The following DPP10 variants were observed in gnomAD, a reference collection of about 807,000 sequenced individuals.
The protein encoded by DPP10 is inactive dipeptidyl peptidase 10.
A neutral mutation model predicts 120.9 loss-of-function variants in DPP10; 33 were observed. That is an observed-to-expected ratio of 0.27 (90% confidence interval 0.21 to 0.37). DPP10 has a LOEUF of 0.37. Ranked by LOEUF, DPP10 falls within the 10% of genes least tolerant of loss-of-function variation. DPP10 has a pLI of 1.00. For synonymous variants in DPP10, 337 were observed against 326.1 expected (o/e 1.03, Z -0.36); for missense variants, 816 against 942.8 (o/e 0.87, Z 1.76).
At chr2:115,013,062 C>G (rs2105104060) in intron 1 of DPP10, among the ~76,000 whole-genome samples, 1 of 152,180 alleles carries the variant, frequency 6.6e-6, no homozygotes, top group South Asian at 2.1e-4. Context: ...TTATTTTGCC[C>G]ATTAGTTGAC....
chr2:115,172,278 G>A (rs1210517486), intron 1 of DPP10, among the ~76,000 whole-genome samples: 2 of 151,970 alleles, frequency 1.3e-5, no homozygotes, highest in Non-Finnish European at 2.9e-5. Context: ...CAGCTACTCC[G>A]GAGGCTGAGG....
At chr2:114,754,700 T>C (rs2106065212) in intron 1 of DPP10, among the ~76,000 whole-genome samples, 1 of 152,318 alleles carries the variant, frequency 6.6e-6, no homozygotes, top group East Asian at 1.9e-4. Flanking sequence ...GGAAAGTCTG[T>C]GGCCAAGGCA....
chr2:115,551,163 A>C (rs939491456), intron 5 of DPP10, among the ~76,000 whole-genome samples: 3 of 152,122 alleles, frequency 2.0e-5, no homozygotes, highest in African/African-American at 7.2e-5. Context: ...ATTCTTGCAG[A>C]CTTCACTTGC....
chr2:115,309,105 A>G lies in DPP10; in HGVS notation c.61-134A>G, dbSNP rs908080621. The G allele has an allele frequency of 6.1e-6, 4 of 660,572 alleles. No individual in the cohort carries two copies. The Admixed American group carries it at 1.2e-4, about 19-fold the overall frequency. 40.9% of individuals were successfully genotyped at this position (660,572 alleles called of 1,614,324 possible). ...AATATGTGCACTTTTGAATAATTAA[A>G]TGAACTACTGAAGAGGAAATGGATT... On this transcript the variant is annotated intron_variant, in intron 1 of 25. Coordinates refer to ENST00000410059, the MANE Select transcript of DPP10 (RefSeq NM_020868.6).
chr2:115,622,510 C>T (rs1180463961), intron 5 of DPP10, among the ~76,000 whole-genome samples: 2 of 117,408 alleles, frequency 1.7e-5, no homozygotes, highest in Non-Finnish European at 1.7e-5. Flanking sequence ...ATTTTATTGT[C>T]TTTTTTTTTT....
At chr2:115,362,753 T>A (rs2064862015) in intron 3 of DPP10, among the ~76,000 whole-genome samples, 1 of 152,232 alleles carries the variant, frequency 6.6e-6, no homozygotes. Context: ...TTCCTTGTTT[T>A]AGGAAACCAG....
At chr2:115,686,315 G>T (rs189812247) in intron 5 of DPP10, among the ~76,000 whole-genome samples, 1 of 151,978 alleles carries the variant, frequency 6.6e-6, no homozygotes, top group East Asian at 1.9e-4. Context: ...TCATTCAAGC[G>T]TGAGTTATAG....
At chr2:114,909,584 T>C (rs932979976) in intron 1 of DPP10, among the ~76,000 whole-genome samples, 1 of 152,036 alleles carries the variant, frequency 6.6e-6, no homozygotes, top group Admixed American at 6.6e-5. Flanking sequence ...ATGTATAGCG[T>C]TCTTAGTCTA....
chr2:115,569,374 A>C (rs983645183), intron 5 of DPP10, among the ~76,000 whole-genome samples: 3 of 152,226 alleles, frequency 2.0e-5, no homozygotes, highest in African/African-American at 7.2e-5. Context: ...GATTTTAATA[A>C]AAAAGGGCAA....
chr2:115,700,034 T>C (rs572528117), intron 7 of DPP10, among the ~76,000 whole-genome samples: 55 of 152,284 alleles, frequency 3.6e-4, no homozygotes, highest in African/African-American at 1.2e-3. Context: ...CTTTTACTCA[T>C]GGCAGATGGG....
At chr2:114,460,201 CT>C (rs1678815658) in intron 1 of DPP10, among the ~76,000 whole-genome samples, 1 of 151,780 alleles carries the variant, frequency 6.6e-6, no homozygotes, top group African/African-American at 2.4e-5. Context: ...ATCTATCTAT[CT>C]ATCTATCTAT....
intron 1 of DPP10, among the ~76,000 whole-genome samples, chr2:114,976,529 T>C (rs552170513): frequency 6.6e-6 from 1 of 152,350 alleles, no homozygotes; most frequent in African/African-American, 2.4e-5. Flanking sequence ...CCTCAAATGA[T>C]AATGTAACTG....
intron 1 of DPP10, among the ~76,000 whole-genome samples, chr2:115,088,237 T>C (rs1007293960): frequency 6.6e-6 from 1 of 152,078 alleles, no homozygotes; most frequent in Admixed American, 6.5e-5. Context: ...AGAATTTCCA[T>C]ATATAAATTG....
rs555915734 is a variant in DPP10, at chr2:114,956,361, A to T, written c.61-352878A>T. 1.4e-3 allele frequency among the ~76,000 whole-genome samples: 126 copies of T among 87,346 alleles called. No homozygotes were observed. The Middle Eastern group carries it at 0.025, about 18-fold the overall frequency. The allele number at this position is 87,346 out of a possible 152,430, so 57.3% of individuals were successfully genotyped here. The stretch of plus-strand genomic sequence containing the variant: ...TTACAGTAGAATAAAGAATAAATTT[A>T]AAAAAAAAACATGTAGGAGTAAATT... On this transcript the variant is annotated intron_variant, in intron 1 of 25. Transcript: ENST00000410059.
rs192403191 is a variant in DPP10 at position 115,357,321 on chromosome 2, T to A, written c.271+13409T>A. On this transcript the variant is annotated intron_variant, in intron 3 of 25. Transcript: ENST00000410059. ...TGGAGGTACAGGCATTGGTTAAATA[T>A]ACCCATTCCAAATGAGAGAAATTGG... Among the ~76,000 whole-genome samples the A allele has an allele frequency of 7.9e-5, 12 of 152,350 alleles. 1 individual carries two copies. The highest frequency in any genetic ancestry group is 7.2e-4 in the Admixed American group (11 of 15,308).
chr2:115,311,489 A>G (rs2061574782), intron 2 of DPP10, among the ~76,000 whole-genome samples: 1 of 152,172 alleles, frequency 6.6e-6, no homozygotes, highest in African/African-American at 2.4e-5. Flanking sequence ...AGTTATGACA[A>G]ACGGAAAGGG....
At chr2:115,838,784 ACACACACACATAGG>A (rs1689792491) in intron 24 of DPP10, among the ~76,000 whole-genome samples, 1 of 152,104 alleles carries the variant, frequency 6.6e-6, no homozygotes, top group African/African-American at 2.4e-5. Flanking sequence ...GTGTGTGAGC[ACACACACACATAGG>A]CACACACACA....
intron 3 of DPP10, among the ~76,000 whole-genome samples, chr2:115,449,495 G>A (rs778661391): frequency 1.3e-5 from 2 of 151,992 alleles, no homozygotes; most frequent in Non-Finnish European, 2.9e-5. Flanking sequence ...AATATAATGT[G>A]GTCCTTAACT....
rs549103688 is a variant in DPP10, at chr2:114,912,572, C to T, written c.61-396667C>T. Among the ~76,000 whole-genome samples the T allele has an allele frequency of 2.6e-5, 4 of 152,122 alleles. No individual in the cohort carries two copies. In the South Asian group the frequency reaches 6.3e-4, roughly 24 times the overall value. On this transcript the variant is annotated intron_variant, in intron 1 of 25. Transcript: ENST00000410059. ...AAGAGAAACAAGACCATCAAGTAGA[C>T]TAGCATATTCCCAACAGATCTTTGA...
Sources: allele counts gnomAD v4.1 joint callset (sites outside exome capture counted in the v4.1 genomes callset), GRCh38; gene constraint gnomAD v4.1.1; transcripts MANE v1.5; gene names NCBI Gene and HGNC (gene_info 2026-07-23, HGNC 2026-07-21).